The following RER1 variants were observed in gnomAD, a reference collection of about 807,000 sequenced individuals.
The protein encoded by RER1 is protein RER1.
Under a neutral mutation model 28.3 loss-of-function variants are expected in RER1, and 6 were observed. The ratio of observed to expected loss-of-function variants is 0.21; its 90% CI spans 0.12 to 0.42. The LOEUF (loss-of-function observed/expected upper bound fraction) is 0.42, where lower values mean the gene tolerates loss of function less well. Among genes scored for constraint, RER1 ranks in the 10% least tolerant of loss-of-function variants. RER1 has a pLI of 1.00. For missense variants in RER1, 159 were observed against 252.9 expected (o/e 0.63, Z 2.52); for synonymous variants, 110 against 95.9 (o/e 1.15, Z -0.86).
chr1:2,396,906 A>G (rs939630182), intron 2 of RER1, among the ~76,000 whole-genome samples: 3 of 152,356 alleles, frequency 2.0e-5, no homozygotes, highest in Admixed American at 6.5e-5. Flanking sequence ...TTAAGAGATG[A>G]ACCTGCTTCA....
chr1:2,395,721 A>T, intron 1 of RER1, 63 bp from the exon 2 acceptor site: 1 of 1,154,036 alleles, frequency 8.7e-7, no homozygotes, highest in Non-Finnish European at 1.3e-6. Flanking sequence ...TGGTGAAAAT[A>T]GGGCCAGGAT....
intron 2 of RER1, among the ~76,000 whole-genome samples, chr1:2,396,567 CCATA>C (rs1557901601): frequency 1.3e-5 from 2 of 152,196 alleles, no homozygotes; most frequent in Non-Finnish European, 2.9e-5. Context: ...AAATAAAAAA[CCATA>C]CATATGTATA....
At chr1:2,401,181 C>T (rs1236228126) in intron 5 of RER1, among the ~76,000 whole-genome samples, 1 of 151,330 alleles carries the variant, frequency 6.6e-6, no homozygotes, top group Non-Finnish European at 1.5e-5. Flanking sequence ...GTGGTTGTGG[C>T]CTGGGGAGGG....
In RER1 at chr1:2,404,928, G is replaced by A. The variant is rs886046135; in HGVS notation, c.*1804G>A. On this transcript the variant is annotated 3_prime_UTR_variant, in exon 7 of 7. Coordinates refer to ENST00000605895, the MANE Select transcript of RER1 (RefSeq NM_007033.5). ...AAATGGAGGCGGGAAATAGGCTGGGGCCGAGCTGAGGGGCTGAACACAGCA... is the reference window on the plus strand; with the variant it reads ...AAATGGAGGCGGGAAATAGGCTGGGACCGAGCTGAGGGGCTGAACACAGCA... The A allele has an allele frequency of 6.5e-6, 1 of 152,974 alleles. No individual in the cohort carries two copies. Among genetic ancestry groups the A allele is most frequent in the Non-Finnish European group, 1.5e-5 (1 of 68,312 alleles). 9.5% of individuals were successfully genotyped at this position (152,974 alleles called of 1,614,324 possible).
At chr1:2,397,086 CT>C in intron 2 of RER1, 29 bp from the exon 3 acceptor site, 3 of 1,493,914 alleles carry the variant, frequency 2.0e-6, no homozygotes, top group Non-Finnish European at 2.8e-6. Flanking sequence ...ACAGGACCTG[CT>C]TCATGCTTTT....
intron 5 of RER1, among the ~76,000 whole-genome samples, chr1:2,401,271 CCCTCCTCCCT>C (rs1642849096): frequency 1.5e-5 from 1 of 64,998 alleles, no homozygotes; most frequent in Non-Finnish European, 3.4e-5. Flanking sequence ...CCTCCACCCT[CCCTCCTCCCT>C]CCTCCTTCCT....
rs778969831 is a variant in RER1 at position 2,400,870 on chromosome 1, G to T, written c.300G>T (p.Ser100=). The change falls in exon 5 of 7, where the codon TCG becomes TCT. Residue 100 remains serine, a synonymous_variant. Transcript: ENST00000605895. ...SLMEDSDDGP[S]LPTKQNEEFR... is the part of the protein sequence containing the mutation. ...TCTGCCTTACAGATGACGGTCCTTC[G>T]CTACCCACCAAACAGAACGAGGAAT... 6.2e-7 allele frequency: 1 copy of T among 1,613,978 alleles called. No individual in the cohort carries two copies. Among genetic ancestry groups the T allele is most frequent in the South Asian group, 1.1e-5 (1 of 91,070 alleles).
rs144802592 is a variant in RER1, at chr1:2,403,232, C to G, written c.*108C>G. The G allele has an allele frequency of 2.6e-3, 2,169 of 825,802 alleles. 4 individuals carry two copies. Among genetic ancestry groups the G allele is most frequent in the Non-Finnish European group, 3.6e-3 (1,829 of 502,402 alleles). 51.2% of individuals were successfully genotyped at this position (825,802 alleles called of 1,614,324 possible). The stretch of plus-strand genomic sequence containing the variant: ...GTTGATTACGAGGGAGTCAAATTTT[C>G]TTTTTAAAAAGGAGCTTCAATGATT... On this transcript the variant is annotated 3_prime_UTR_variant, in exon 7 of 7. Transcript: ENST00000605895.
In RER1 at chr1:2,403,156, A is replaced by C. The variant is rs1457219637; in HGVS notation, c.*32A>C. 1 of 1,561,264 alleles carries C rather than the reference A, an allele frequency of 6.4e-7. No individual in the cohort carries two copies. Among genetic ancestry groups the C allele is most frequent in the Non-Finnish European group, 8.8e-7 (1 of 1,131,798 alleles). On this transcript the variant is annotated 3_prime_UTR_variant, in exon 7 of 7. Coordinates refer to ENST00000605895, the MANE Select transcript of RER1 (RefSeq NM_007033.5). ...GACTGAGGCTGCCTCACGTGTTGCA[A>C]GAACAGTTTTGAGCCATTGTTAACA...
At chr1:2,396,043 G>A in intron 2 of RER1, 172 bp downstream of exon 2, 1 of 622,176 alleles carries the variant, frequency 1.6e-6, no homozygotes, top group South Asian at 1.9e-5. Context: ...GCTGTGGAGA[G>A]ATCGGGCTCT....
At position 2,395,424 on chromosome 1, in the gene RER1, G is replaced by C. The variant is rs563055404; in HGVS notation, c.-7-360G>C. Reference sequence around the variant, plus strand: ...GGATCCACAGAGGGTGCGGTCCTTGGAGGGAGGACATGCAGTGCCACGTGC... The same window carrying C: ...GGATCCACAGAGGGTGCGGTCCTTGCAGGGAGGACATGCAGTGCCACGTGC... On this transcript the variant is annotated intron_variant, in intron 1 of 6. Transcript: ENST00000605895. The C allele has an allele frequency of 1.6e-3, 487 of 308,716 alleles. 7 individuals carry two copies. The highest frequency in any genetic ancestry group is 0.015 in the South Asian group (471 of 31,418). The allele number at this position is 308,716 out of a possible 1,614,324, so 19.1% of individuals were successfully genotyped here. A position where few individuals can be genotyped will look rare whatever the true frequency, so the allele number is the denominator to read the frequency against.
At chr1:2,392,736 C>G (rs1642702562) in intron 1 of RER1, among the ~76,000 whole-genome samples, 1 of 152,196 alleles carries the variant, frequency 6.6e-6, no homozygotes, top group Admixed American at 6.5e-5. Flanking sequence ...AAAGGGTTCT[C>G]AGTAATTCAG....
At position 2,399,395 on chromosome 1, in the gene RER1, T is replaced by G; in HGVS notation, c.187-20T>G. ...TGGACGGTCAGAGTGCACCACTGACTCTCTTTCCTTCTCTTTCAGGGTTGG... is the reference window on the plus strand; with the variant it reads ...TGGACGGTCAGAGTGCACCACTGACGCTCTTTCCTTCTCTTTCAGGGTTGG... On this transcript the variant is annotated intron_variant, in intron 3 of 6. Transcript: ENST00000605895. The G allele has an allele frequency of 6.5e-7, 1 of 1,531,564 alleles. No homozygotes were observed. Among genetic ancestry groups the G allele is most frequent in the Non-Finnish European group, 9.1e-7 (1 of 1,104,720 alleles). The allele number at this position is 1,531,564 out of a possible 1,614,324, so 94.9% of individuals were successfully genotyped here.
In RER1 at chr1:2,405,261, C is replaced by A; in HGVS notation, c.*2137C>A. Reference sequence around the variant, plus strand: ...TCTGCCCAGCCGCCCTCGGGGAGAGCAGCGCCGCCTCCCATGGGGCCGTGG... The same window carrying A: ...TCTGCCCAGCCGCCCTCGGGGAGAGAAGCGCCGCCTCCCATGGGGCCGTGG... On this transcript the variant is annotated 3_prime_UTR_variant, in exon 7 of 7. Coordinates refer to ENST00000605895, the MANE Select transcript of RER1 (RefSeq NM_007033.5). 1 of 279,676 alleles carries A rather than the reference C, an allele frequency of 3.6e-6. No individual in the cohort carries two copies. The highest frequency in any genetic ancestry group is 3.4e-5 in the South Asian group (1 of 29,078). 17.3% of individuals were successfully genotyped at this position (279,676 alleles called of 1,614,324 possible). A position where few individuals can be genotyped will look rare whatever the true frequency, so the allele number is the denominator to read the frequency against.
intron 4 of RER1, 98 bp from the exon 5 acceptor site, chr1:2,400,759 T>C (rs1227736237): frequency 1.0e-6 from 1 of 996,166 alleles, no homozygotes; most frequent in African/African-American, 1.6e-5. Flanking sequence ...TCGGTTTAGA[T>C]TTGTGAGGCC....
In RER1 at chr1:2,403,458, G is replaced by C; in HGVS notation, c.*334G>C. On this transcript the variant is annotated 3_prime_UTR_variant, in exon 7 of 7. Transcript: ENST00000605895. ...AGGTGGGCAGGCAGGAGCAAGGCCT[G>C]CGAGGGAGGAACGGGCCGCTCCCCG... is the stretch of plus-strand genomic sequence containing the variant. The C allele has an allele frequency of 3.1e-6, 1 of 327,722 alleles. No individual in the cohort carries two copies. The highest frequency in any genetic ancestry group is 5.9e-6 in the Non-Finnish European group (1 of 170,438). 20.3% of individuals were successfully genotyped at this position (327,722 alleles called of 1,614,324 possible). A position where few individuals can be genotyped will look rare whatever the true frequency, so the allele number is the denominator to read the frequency against.
chr1:2,403,215 C>A lies in RER1; in HGVS notation c.*91C>A. The A allele has an allele frequency of 1.1e-6, 1 of 941,574 alleles. No homozygotes were observed. Among genetic ancestry groups the A allele is most frequent in the Non-Finnish European group, 1.7e-6 (1 of 590,806 alleles). 58.3% of individuals were successfully genotyped at this position (941,574 alleles called of 1,614,324 possible). On this transcript the variant is annotated 3_prime_UTR_variant, in exon 7 of 7. Transcript: ENST00000605895. ...TTTCTTCACATAAAGTAGTTGATTACGAGGGAGTCAAATTTTCTTTTTAAA... is the reference window on the plus strand; with the variant it reads ...TTTCTTCACATAAAGTAGTTGATTAAGAGGGAGTCAAATTTTCTTTTTAAA...
rs755741710 is a variant in RER1 at position 2,397,237 on chromosome 1, G to A, written c.186+17G>A. On this transcript the variant is annotated intron_variant, in intron 3 of 6. Coordinates refer to ENST00000605895, the MANE Select transcript of RER1 (RefSeq NM_007033.5). The stretch of plus-strand genomic sequence containing the variant: ...CTGCTGCAGGTAGGTGTGGGCTGAA[G>A]TGACGAGACTTGGCTCTGTCCACGT... 1 of 1,556,930 alleles carries A rather than the reference G, an allele frequency of 6.4e-7. No individual in the cohort carries two copies.
At chr1:2,402,440 G>A in intron 6 of RER1, 98 bp downstream of exon 6, 3 of 1,504,454 alleles carry the variant, frequency 2.0e-6, no homozygotes, top group Non-Finnish European at 2.7e-6. Flanking sequence ...TGGTGGCAGA[G>A]TCTGCCTGGT....
Sources: gnomAD v4.1 joint callset for allele counts (sites outside exome capture counted in the v4.1 genomes callset) on GRCh38, gnomAD v4.1.1 for gene constraint, MANE v1.5 for transcripts, NCBI Gene and HGNC (gene_info 2026-07-23, HGNC 2026-07-21) for gene names.